HS6ST3: variants seen among roughly 807,000 people sequenced by gnomAD.
HS6ST3 encodes heparan sulfate 6-O-sulfotransferase 3, also known as heparan-sulfate 6-O-sulfotransferase 3.
A neutral mutation model predicts 36.7 loss-of-function variants in HS6ST3; 12 were observed. That is an observed-to-expected ratio of 0.33 (90% confidence interval 0.21 to 0.53). The LOEUF (loss-of-function observed/expected upper bound fraction) is 0.53. Among genes scored for constraint, HS6ST3 ranks in the 20% least tolerant of loss-of-function variants. The probability of loss-of-function intolerance (pLI) is 0.95; values close to 1 mark genes in which losing one functional copy is unlikely to be tolerated. For synonymous variants in HS6ST3, 240 were observed against 257.5 expected (o/e 0.93, Z 0.65); for missense variants, 584 against 640.9 (o/e 0.91, Z 0.96).
chr13:96,203,096 A>G (rs78547390), intron 1 of HS6ST3, among the ~76,000 whole-genome samples: 273 of 152,334 alleles, frequency 1.8e-3, no homozygotes, highest in African/African-American at 6.1e-3. Flanking sequence ...TTCTCCATAT[A>G]GAAGCATGTT....
intron 1 of HS6ST3, among the ~76,000 whole-genome samples, chr13:96,534,922 T>A (rs946794240): frequency 6.6e-6 from 1 of 152,140 alleles, no homozygotes; most frequent in African/African-American, 2.4e-5. Flanking sequence ...ATCACGCCAC[T>A]GCACTCCAGC....
At chr13:96,579,973 G>A (rs1294538341) in intron 1 of HS6ST3, among the ~76,000 whole-genome samples, 1 of 152,030 alleles carries the variant, frequency 6.6e-6, no homozygotes, top group Non-Finnish European at 1.5e-5. Flanking sequence ...TTATATTTGA[G>A]TTGATAATTA....
chr13:96,279,243 G>A (rs935660629), intron 1 of HS6ST3, among the ~76,000 whole-genome samples: 1 of 152,064 alleles, frequency 6.6e-6, no homozygotes, highest in African/African-American at 2.4e-5. Flanking sequence ...AGAACCCAGA[G>A]TTTTTTCCTT....
chr13:96,398,067 G>A (rs995164721), intron 1 of HS6ST3, among the ~76,000 whole-genome samples: 8 of 152,014 alleles, frequency 5.3e-5, no homozygotes, highest in Non-Finnish European at 1.0e-4. Flanking sequence ...ACCTATCTTT[G>A]CATCATGTTT....
At chr13:96,510,852 T>C (rs1427830307) in intron 1 of HS6ST3, among the ~76,000 whole-genome samples, 1 of 152,150 alleles carries the variant, frequency 6.6e-6, no homozygotes, top group Non-Finnish European at 1.5e-5. Flanking sequence ...TTGTAAAACA[T>C]GTAGTGTTGT....
intron 1 of HS6ST3, among the ~76,000 whole-genome samples, chr13:96,589,119 T>C (rs765731217): frequency 2.6e-5 from 4 of 151,920 alleles, no homozygotes; most frequent in Non-Finnish European, 5.9e-5. Flanking sequence ...AAAAGAATTG[T>C]TTTTAGTTCT....
chr13:96,362,901 C>T (rs1178570478), intron 1 of HS6ST3, among the ~76,000 whole-genome samples: 1 of 152,162 alleles, frequency 6.6e-6, no homozygotes, highest in Non-Finnish European at 1.5e-5. Context: ...TAAAAGATTG[C>T]ATACTGTGAT....
intron 1 of HS6ST3, among the ~76,000 whole-genome samples, chr13:96,705,266 T>C (rs1040253913): frequency 1.3e-5 from 2 of 152,230 alleles, no homozygotes; most frequent in South Asian, 2.1e-4. Context: ...AAATTCTCTT[T>C]GTTCTGCCTA....
At chr13:96,471,514 C>T (rs2055840083) in intron 1 of HS6ST3, among the ~76,000 whole-genome samples, 1 of 152,080 alleles carries the variant, frequency 6.6e-6, no homozygotes, top group Non-Finnish European at 1.5e-5. Context: ...ATGTCTATTT[C>T]AATGCTTGCT....
intron 1 of HS6ST3, among the ~76,000 whole-genome samples, chr13:96,778,438 TA>T (rs1370337778): frequency 2.0e-5 from 3 of 152,180 alleles, no homozygotes; most frequent in Non-Finnish European, 2.9e-5. Flanking sequence ...GACAAAGGGT[TA>T]ATATCTGGAA....
chr13:96,479,491 T>C (rs746447680), intron 1 of HS6ST3, among the ~76,000 whole-genome samples: 4 of 152,160 alleles, frequency 2.6e-5, no homozygotes, highest in Non-Finnish European at 4.4e-5. Flanking sequence ...TTTAGAATGA[T>C]GACTCTGGCT....
intron 1 of HS6ST3, among the ~76,000 whole-genome samples, chr13:96,098,676 A>AAAATG (rs1419766170): frequency 6.6e-6 from 1 of 151,654 alleles, no homozygotes; most frequent in Non-Finnish European, 1.5e-5. Flanking sequence ...TAAATAAAAT[A>AAAATG]AAAGCATGAA....
intron 1 of HS6ST3, among the ~76,000 whole-genome samples, chr13:96,177,745 AC>A (rs1222481948): frequency 2.0e-5 from 3 of 151,118 alleles, no homozygotes; most frequent in African/African-American, 7.3e-5. Flanking sequence ...CCTGCATGAC[AC>A]ATACCTACCC....
At position 96,312,541 on chromosome 13, in the gene HS6ST3, G is replaced by A. The variant is rs150552046; in HGVS notation, c.707+220972G>A. Among the ~76,000 whole-genome samples the A allele has an allele frequency of 4.6e-3, 697 of 152,168 alleles. 4 individuals are homozygous for A. Among genetic ancestry groups the A allele is most frequent in the South Asian group, 0.016 (77 of 4,826 alleles). The stretch of plus-strand genomic sequence containing the variant: ...CTCTGTCATCAGTTGGTTACTGAAA[G>A]AGCTCTGTTAAAAATCTCCTTAATA... On this transcript the variant is annotated intron_variant, in intron 1 of 1. Transcript: ENST00000376705.
chr13:96,615,274 G>T (rs1237803420), intron 1 of HS6ST3, among the ~76,000 whole-genome samples: 1 of 152,174 alleles, frequency 6.6e-6, no homozygotes, highest in Non-Finnish European at 1.5e-5. Flanking sequence ...ATAGTTCTGT[G>T]AATTAGACAA....
rs1439838042 is a variant in HS6ST3, at chr13:96,543,587, T to C, written c.708-288903T>C. ...GGATCATCTCTTAGCTATACAAAGG[T>C]TGAGCAGAAACTTTACTATTAATAT... On this transcript the variant is annotated intron_variant, in intron 1 of 1. Transcript: ENST00000376705. 1.1e-4 allele frequency among the ~76,000 whole-genome samples: 16 copies of C among 152,254 alleles called. No individual in the cohort carries two copies. In the East Asian group the frequency reaches 3.1e-3, roughly 29 times the overall value.
intron 1 of HS6ST3, among the ~76,000 whole-genome samples, chr13:96,688,192 C>T (rs1299908865): frequency 1.5e-5 from 2 of 132,322 alleles, no homozygotes; most frequent in South Asian, 2.3e-4. Context: ...ACATTGTGCA[C>T]ATGTACCCTA....
chr13:96,641,869 A>G (rs1594825063), intron 1 of HS6ST3, among the ~76,000 whole-genome samples: 3 of 152,014 alleles, frequency 2.0e-5, no homozygotes, highest in East Asian at 1.9e-4. Flanking sequence ...ACACAAACTT[A>G]TAGGTATTTC....
chr13:96,752,942 T>A (rs1197543095), intron 1 of HS6ST3, among the ~76,000 whole-genome samples: 1 of 152,182 alleles, frequency 6.6e-6, no homozygotes, highest in Non-Finnish European at 1.5e-5. Flanking sequence ...ATTTCTTTTT[T>A]GTGAATGGTG....
Sources: gnomAD v4.1 joint callset for allele counts (sites outside exome capture counted in the v4.1 genomes callset) on GRCh38, gnomAD v4.1.1 for gene constraint, MANE v1.5 for transcripts, NCBI Gene and HGNC (gene_info 2026-07-23, HGNC 2026-07-21) for gene names.